Variants in ROBO2 observed in about 807,000 individuals in gnomAD.
The protein encoded by ROBO2 is roundabout homolog 2.
A neutral mutation model predicts 160.8 loss-of-function variants in ROBO2; 53 were observed. The ratio of observed to expected loss-of-function variants is 0.33; its 90% CI spans 0.26 to 0.41. The LOEUF (loss-of-function observed/expected upper bound fraction) is 0.41. ROBO2 is among the 10% of genes least tolerant of loss of function. ROBO2 has a pLI of 1.00. For missense variants in ROBO2, 1,577 were observed against 1,722.4 expected (o/e 0.92, Z 1.49); for synonymous variants, 664 against 611.7 (o/e 1.09, Z -1.26).
chr3:76,898,572 C>G (rs1369512479), intron 2 of ROBO2, among the ~76,000 whole-genome samples: 1 of 152,090 alleles, frequency 6.6e-6, no homozygotes, highest in African/African-American at 2.4e-5. Context: ...TATTCATCAT[C>G]TCACATTGTA....
intron 2 of ROBO2, among the ~76,000 whole-genome samples, chr3:76,926,280 C>A (rs6783675): frequency 0.49 from 74,374 of 151,914 alleles, 19,345 homozygotes; most frequent in African/African-American, 0.68. Flanking sequence ...TGAGCACATC[C>A]TTTTACATAA....
chr3:77,615,802 G>A (rs975404186), intron 21 of ROBO2, among the ~76,000 whole-genome samples: 10 of 152,106 alleles, frequency 6.6e-5, no homozygotes, highest in Non-Finnish European at 1.3e-4. Flanking sequence ...AAATATACAC[G>A]TTCAAGTTTT....
intron 2 of ROBO2, among the ~76,000 whole-genome samples, chr3:76,468,848 C>G (rs1462859535): frequency 6.6e-6 from 1 of 152,058 alleles, no homozygotes; most frequent in South Asian, 2.1e-4. Flanking sequence ...CGCCCTCTAC[C>G]TAGACAAACT....
intron 6 of ROBO2, among the ~76,000 whole-genome samples, chr3:77,537,105 G>GC: frequency 7.0e-6 from 1 of 142,526 alleles, no homozygotes; most frequent in East Asian, 2.1e-4. Context: ...TTTGTGGGGG[G>GC]GGGGTGTATT....
intron 2 of ROBO2, among the ~76,000 whole-genome samples, chr3:77,341,756 A>G (rs1235073400): frequency 1.3e-5 from 2 of 152,098 alleles, no homozygotes; most frequent in Non-Finnish European, 2.9e-5. Context: ...AAGTAAGTAC[A>G]GTTGTGCTTT....
chr3:77,229,097 G>A (rs1431685942), intron 2 of ROBO2, among the ~76,000 whole-genome samples: 1 of 152,066 alleles, frequency 6.6e-6, no homozygotes, highest in African/African-American at 2.4e-5. Flanking sequence ...CCTTCGCCAT[G>A]GTTTCTGTCA....
chr3:77,059,739 GCA>G, intron 1 of ROBO2, among the ~76,000 whole-genome samples: 1 of 152,176 alleles, frequency 6.6e-6, no homozygotes, highest in South Asian at 2.1e-4. Context: ...TTGGGCATAA[GCA>G]TCACTCTCTG....
intron 2 of ROBO2, among the ~76,000 whole-genome samples, chr3:76,782,380 T>A (rs892568661): frequency 6.6e-6 from 1 of 150,788 alleles, no homozygotes; most frequent in African/African-American, 2.4e-5. Flanking sequence ...GATAAAAAAC[T>A]TTTATATATG....
At chr3:76,330,898 G>A (rs898574326) in intron 2 of ROBO2, among the ~76,000 whole-genome samples, 10 of 152,190 alleles carry the variant, frequency 6.6e-5, no homozygotes, top group African/African-American at 2.4e-4. Context: ...TTACTACCTA[G>A]CACAGCCTCA....
intron 2 of ROBO2, among the ~76,000 whole-genome samples, chr3:77,170,089 C>A (rs189552472): frequency 6.6e-6 from 1 of 152,288 alleles, no homozygotes; most frequent in Admixed American, 6.5e-5. Flanking sequence ...CCAGAGCTGA[C>A]ACCTGTCACC....
At chr3:76,443,344 T>C (rs933754670) in intron 2 of ROBO2, among the ~76,000 whole-genome samples, 1 of 151,972 alleles carries the variant, frequency 6.6e-6, no homozygotes, top group African/African-American at 2.4e-5. Flanking sequence ...TCAGTATGTA[T>C]AGGAAAAAAC....
chr3:77,385,271 C>T (rs947780393), intron 2 of ROBO2, among the ~76,000 whole-genome samples: 2 of 152,134 alleles, frequency 1.3e-5, no homozygotes, highest in African/African-American at 4.8e-5. Flanking sequence ...CTTCTTGATC[C>T]GCCCACCTCG....
intron 2 of ROBO2, among the ~76,000 whole-genome samples, chr3:76,438,410 T>TCACA (rs35326545): frequency 0.042 from 6,080 of 146,218 alleles, 135 homozygotes; most frequent in Middle Eastern, 0.1. Flanking sequence ...TGTAATCAGT[T>TCACA]CACACACACA....
At chr3:75,917,489 A>G (rs1326082615) in intron 1 of ROBO2, among the ~76,000 whole-genome samples, 1 of 152,226 alleles carries the variant, frequency 6.6e-6, no homozygotes, top group African/African-American at 2.4e-5. Context: ...TAGTGCCACA[A>G]TAAACATACG....
At chr3:76,965,118 G>C (rs564827981) in intron 2 of ROBO2, among the ~76,000 whole-genome samples, 130 of 152,312 alleles carry the variant, frequency 8.5e-4, no homozygotes, top group African/African-American at 2.8e-3. Context: ...CAAAAGGCTT[G>C]AGCTGACAAT....
chr3:76,613,832 G>T (rs2088343797), intron 2 of ROBO2, among the ~76,000 whole-genome samples: 1 of 151,988 alleles, frequency 6.6e-6, no homozygotes. Context: ...TCAGCCATTA[G>T]TTACATTAAG....
intron 2 of ROBO2, among the ~76,000 whole-genome samples, chr3:76,215,520 C>A (rs1339047211): frequency 6.6e-6 from 1 of 152,080 alleles, no homozygotes; most frequent in East Asian, 1.9e-4. Context: ...AATGCAGAAG[C>A]CTCAGTAGTC....
intron 2 of ROBO2, among the ~76,000 whole-genome samples, chr3:76,001,983 T>C (rs2065902624): frequency 6.6e-6 from 1 of 152,218 alleles, no homozygotes; most frequent in Non-Finnish European, 1.5e-5. Flanking sequence ...AGCACTATTG[T>C]CTTTTATAAT....
intron 2 of ROBO2, among the ~76,000 whole-genome samples, chr3:76,465,605 G>T (rs1420329980): frequency 6.6e-6 from 1 of 152,000 alleles, no homozygotes; most frequent in African/African-American, 2.4e-5. Context: ...AGATAATTGA[G>T]AGTTGGCTGA....
Sources: gnomAD v4.1 joint callset for allele counts (sites outside exome capture counted in the v4.1 genomes callset) on GRCh38, gnomAD v4.1.1 for gene constraint, MANE v1.5 for transcripts, NCBI Gene and HGNC (gene_info 2026-07-23, HGNC 2026-07-21) for gene names.